Variants in NKAIN2 observed in about 807,000 individuals in gnomAD.
NKAIN2 encodes sodium/potassium transporting ATPase interacting 2, also known as sodium/potassium-transporting ATPase subunit beta-1-interacting protein 2.
Under a neutral mutation model 32.6 loss-of-function variants are expected in NKAIN2, and 14 were observed. That is an observed-to-expected ratio of 0.43 (90% CI 0.28 to 0.67). The LOEUF (loss-of-function observed/expected upper bound fraction) is 0.67. Among genes scored for constraint, NKAIN2 ranks in the 30% least tolerant of loss-of-function variants. NKAIN2 has a pLI of 0.17. For missense variants in NKAIN2, 198 were observed against 258.3 expected, an observed-to-expected ratio of 0.77 and a Z score of 1.60; for synonymous variants, 80 against 87.2, an observed-to-expected ratio of 0.92 and a Z score of 0.46.
intron 1 of NKAIN2, among the ~76,000 whole-genome samples, chr6:124,218,544 C>T (rs1791608594): frequency 6.6e-6 from 1 of 152,106 alleles, no homozygotes; most frequent in Non-Finnish European, 1.5e-5. Context: ...ATCTATAAAA[C>T]AACAAAATAA....
chr6:124,510,852 C>CA (rs1778682996), intron 3 of NKAIN2, among the ~76,000 whole-genome samples: 4 of 152,088 alleles, frequency 2.6e-5, no homozygotes, highest in African/African-American at 9.7e-5. Context: ...TAACTTCCCA[C>CA]AAAATATCAA....
chr6:124,496,680 C>T (rs1451806474), intron 3 of NKAIN2, among the ~76,000 whole-genome samples: 1 of 152,080 alleles, frequency 6.6e-6, no homozygotes, highest in Non-Finnish European at 1.5e-5. Flanking sequence ...TATAGCAACA[C>T]ATCACGGAGT....
rs188591360 is a variant in NKAIN2 at position 124,275,571 on chromosome 6, G to A, written c.55-7434G>A. ...AAACAGAGGAATTATAATGTTTGAA[G>A]CCTATTCTTTTACCATAGTACCACA... On this transcript the variant is annotated intron_variant, in intron 1 of 6. Coordinates refer to ENST00000368417, the MANE Select transcript of NKAIN2 (RefSeq NM_001040214.3). 4.3e-3 allele frequency among the ~76,000 whole-genome samples: 660 copies of A among 152,204 alleles called. 16 individuals carry two copies. The highest frequency in any genetic ancestry group is 0.039 in the Admixed American group (600 of 15,286).
At chr6:124,116,202 A>G (rs955822591) in intron 1 of NKAIN2, among the ~76,000 whole-genome samples, 3 of 152,114 alleles carry the variant, frequency 2.0e-5, no homozygotes, top group Non-Finnish European at 4.4e-5. Flanking sequence ...TTAAGTCTAC[A>G]TAAAGAATAT....
intron 1 of NKAIN2, among the ~76,000 whole-genome samples, chr6:124,249,118 G>A (rs1012668745): frequency 3.9e-5 from 6 of 152,134 alleles, no homozygotes; most frequent in African/African-American, 1.2e-4. Context: ...AACAAATGCA[G>A]AGCCTACTGC....
At chr6:124,810,511 A>G (rs1042441336) in intron 5 of NKAIN2, among the ~76,000 whole-genome samples, 1 of 152,160 alleles carries the variant, frequency 6.6e-6, no homozygotes, top group African/African-American at 2.4e-5. Flanking sequence ...AAGGGATAGC[A>G]TTGGGAGATA....
rs139389591 is a variant in NKAIN2 at position 123,825,668 on chromosome 6, A to G, written c.54+21414A>G. Among the ~76,000 whole-genome samples, 788 of 152,282 alleles carry G rather than the reference A, an allele frequency of 5.2e-3. 3 individuals are homozygous for G. The highest frequency in any genetic ancestry group is 0.011 in the Admixed American group (164 of 15,296). ...AATTTTCAGACTGAGCTTTGTTTTGAGAATCACTGAAACTGACTCAGCTGT... is the reference window on the plus strand; with the variant it reads ...AATTTTCAGACTGAGCTTTGTTTTGGGAATCACTGAAACTGACTCAGCTGT... On this transcript the variant is annotated intron_variant, in intron 1 of 6. Transcript: ENST00000368417.
chr6:124,217,973 G>A (rs751418795), intron 1 of NKAIN2, among the ~76,000 whole-genome samples: 47 of 151,826 alleles, frequency 3.1e-4, no homozygotes, highest in Non-Finnish European at 6.2e-4. Context: ...GTATGCGGTC[G>A]TTTGCAGTAA....
intron 4 of NKAIN2, among the ~76,000 whole-genome samples, chr6:124,693,740 G>C (rs932301582): frequency 1.5e-4 from 23 of 152,130 alleles, no homozygotes; most frequent in African/African-American, 5.3e-4. Flanking sequence ...TGGAGCACAG[G>C]GAGTGTCATA....
chr6:124,269,612 T>C (rs144830240), intron 1 of NKAIN2, among the ~76,000 whole-genome samples: 335 of 151,976 alleles, frequency 2.2e-3, no homozygotes, highest in African/African-American at 7.7e-3. Flanking sequence ...GGATTACAGG[T>C]GCCTGCCACC....
At position 124,316,209 on chromosome 6, in the gene NKAIN2, C is replaced by T. The variant is rs182887417; in HGVS notation, c.192+33067C>T. 1.8e-3 allele frequency among the ~76,000 whole-genome samples: 274 copies of T among 152,126 alleles called. 1 individual carries two copies. The highest frequency in any genetic ancestry group is 2.8e-3 in the Non-Finnish European group (193 of 67,958). On this transcript the variant is annotated intron_variant, in intron 2 of 6. Transcript: ENST00000368417. Reference sequence around the variant, plus strand: ...CTGATTTGATCATTACACATTTGTACGCTTGCAGCTTGTTTTAAAATATCA... The same window carrying T: ...CTGATTTGATCATTACACATTTGTATGCTTGCAGCTTGTTTTAAAATATCA...
At chr6:124,616,494 G>T (rs2115007480) in intron 3 of NKAIN2, among the ~76,000 whole-genome samples, 2 of 72,968 alleles carry the variant, frequency 2.7e-5, no homozygotes, top group African/African-American at 6.1e-5. Context: ...TTTTTTTTGT[G>T]AGCTCTGTCA....
intron 3 of NKAIN2, among the ~76,000 whole-genome samples, chr6:124,561,738 A>C (rs575495062): frequency 1.3e-3 from 199 of 152,310 alleles, no homozygotes; most frequent in African/African-American, 4.7e-3. Flanking sequence ...ATATATCCTA[A>C]AAGAAGACCA....
chr6:124,279,051 A>G (rs1188422113), intron 1 of NKAIN2, among the ~76,000 whole-genome samples: 1 of 152,174 alleles, frequency 6.6e-6, no homozygotes, highest in Non-Finnish European at 1.5e-5. Context: ...GTAAATAAAA[A>G]TAATTTGAAA....
intron 1 of NKAIN2, among the ~76,000 whole-genome samples, chr6:124,081,746 C>T (rs1401683611): frequency 6.6e-6 from 1 of 151,992 alleles, no homozygotes; most frequent in East Asian, 1.9e-4. Context: ...ATTTGCAATA[C>T]ACCATAGACT....
intron 2 of NKAIN2, among the ~76,000 whole-genome samples, chr6:124,324,923 C>T (rs944492564): frequency 6.6e-6 from 1 of 151,882 alleles, no homozygotes; most frequent in African/African-American, 2.4e-5. Context: ...AATATGTATA[C>T]ATTGCTGAAT....
chr6:124,657,299 A>G (rs1784575152), intron 3 of NKAIN2, among the ~76,000 whole-genome samples: 1 of 152,088 alleles, frequency 6.6e-6, no homozygotes, highest in African/African-American at 2.4e-5. Context: ...TTTTTCTTAG[A>G]ACTTATCTTC....
intron 1 of NKAIN2, among the ~76,000 whole-genome samples, chr6:123,972,728 A>G (rs1778397817): frequency 6.6e-6 from 1 of 152,138 alleles, no homozygotes; most frequent in South Asian, 2.1e-4. Context: ...TTCATAAGCC[A>G]CTAATATTGA....
intron 3 of NKAIN2, among the ~76,000 whole-genome samples, chr6:124,651,794 C>T (rs1459224782): frequency 6.6e-6 from 1 of 152,146 alleles, no homozygotes; most frequent in East Asian, 1.9e-4. Flanking sequence ...GAGGGAAAGT[C>T]TCAAAGATCA....
Sources: gnomAD v4.1 joint callset for allele counts (sites outside exome capture counted in the v4.1 genomes callset) on GRCh38, gnomAD v4.1.1 for gene constraint, MANE v1.5 for transcripts, NCBI Gene and HGNC (gene_info 2026-07-23, HGNC 2026-07-21) for gene names.